The following EIF2B3 variants were observed in gnomAD, a reference collection of about 807,000 sequenced individuals.
EIF2B3 encodes the protein translation initiation factor eIF2B subunit gamma.
EIF2B3 carries 20 observed loss-of-function variants against 54.1 expected under a neutral mutation model. The observed-to-expected ratio is 0.37, with a 90% CI of 0.26 to 0.54. The LOEUF (loss-of-function observed/expected upper bound fraction) is 0.54. EIF2B3 is among the 20% of genes least tolerant of loss of function. EIF2B3 has a pLI of 0.86. For synonymous variants in EIF2B3, 153 were observed against 188.1 expected (o/e 0.81, Z 1.52); for missense variants, 448 against 547.8 (o/e 0.82, Z 1.82).
At chr1:44,919,410 TGCACA>T (rs370559310) in intron 5 of EIF2B3, among the ~76,000 whole-genome samples, 2,027 of 152,162 alleles carry the variant, frequency 0.013, 18 homozygotes, top group Non-Finnish European at 0.022. Context: ...TTTTTTCACC[TGCACA>T]TTTTTGTGGT....
chr1:44,968,395 C>T (rs1027684178), intron 3 of EIF2B3, among the ~76,000 whole-genome samples: 4 of 146,922 alleles, frequency 2.7e-5, no homozygotes, highest in Non-Finnish European at 6.0e-5. Flanking sequence ...AAGACTGAAA[C>T]TTCACATGAA....
intron 3 of EIF2B3, among the ~76,000 whole-genome samples, chr1:44,943,165 TATTTTA>T (rs986249786): frequency 2.0e-5 from 3 of 150,572 alleles, no homozygotes; most frequent in African/African-American, 7.3e-5. Context: ...CCTTATTTTT[TATTTTA>T]ATTTTATTTT....
At chr1:44,902,157 C>G (rs1255789913) in intron 5 of EIF2B3, among the ~76,000 whole-genome samples, 1 of 152,212 alleles carries the variant, frequency 6.6e-6, no homozygotes, top group Non-Finnish European at 1.5e-5. Context: ...TTCCACAGAT[C>G]TGTCTGTCTG....
chr1:44,929,215 A>G (rs1308027799), intron 4 of EIF2B3, among the ~76,000 whole-genome samples: 1 of 152,232 alleles, frequency 6.6e-6, no homozygotes, highest in Non-Finnish European at 1.5e-5. Context: ...GGAGAAACAG[A>G]AAGTTTAGCT....
intron 4 of EIF2B3, 47 bp from the exon 5 acceptor site, chr1:44,926,786 T>C (rs1263782964): frequency 6.7e-7 from 1 of 1,492,392 alleles, no homozygotes; most frequent in Admixed American, 1.7e-5. Context: ...CCATTTGCCC[T>C]GCCTGTATGA....
intron 3 of EIF2B3, 62 bp from the exon 4 acceptor site, chr1:44,941,727 C>A (rs917995621): frequency 2.0e-5 from 32 of 1,595,926 alleles, no homozygotes; most frequent in Non-Finnish European, 2.1e-5. Flanking sequence ...CAAATCATCA[C>A]AAGACAAAAT....
chr1:44,896,375 G>A lies in EIF2B3; in HGVS notation c.656+980C>T, dbSNP rs554583385. 7.7e-3 allele frequency among the ~76,000 whole-genome samples: 1,019 copies of A among 132,328 alleles called. 13 individuals carry two copies. The highest frequency in any genetic ancestry group is 0.042 in the African/African-American group (968 of 22,834). The allele number at this position is 132,328 out of a possible 152,430, so 86.8% of individuals were successfully genotyped here. On this transcript the variant is annotated intron_variant, in intron 6 of 11. Transcript: ENST00000360403. ...CCACAGGAACTTAGCAAGTGTTGTG[G>A]GGGGGTGACAGGTAGGACACTGCAA...
chr1:44,923,641 T>C (rs1474978264), intron 5 of EIF2B3, among the ~76,000 whole-genome samples: 4 of 114,778 alleles, frequency 3.5e-5, no homozygotes, highest in African/African-American at 1.6e-4. Context: ...ATTTCACTGA[T>C]GTTTTCTTCT....
At chr1:44,857,835 G>T (rs1051418199) in intron 10 of EIF2B3, 28 bp from the exon 11 acceptor site, 4 of 1,606,046 alleles carry the variant, frequency 2.5e-6, no homozygotes, top group African/African-American at 1.3e-5. Flanking sequence ...AGTTAGGGAG[G>T]ACCCAAGGCT....
chr1:44,856,919 C>T (rs534708655), intron 11 of EIF2B3, among the ~76,000 whole-genome samples: 2 of 152,288 alleles, frequency 1.3e-5, no homozygotes, highest in Admixed American at 1.3e-4. Flanking sequence ...ATCCTCCTGC[C>T]TCAGCCTCTT....
At chr1:44,884,171 T>C (rs568635859) in intron 6 of EIF2B3, among the ~76,000 whole-genome samples, 1 of 152,234 alleles carries the variant, frequency 6.6e-6, no homozygotes, top group African/African-American at 2.4e-5. Context: ...GAAAGTGACA[T>C]GAACAGTTTT....
At chr1:44,952,758 T>C (rs990141702) in intron 3 of EIF2B3, among the ~76,000 whole-genome samples, 1 of 151,642 alleles carries the variant, frequency 6.6e-6, no homozygotes, top group Non-Finnish European at 1.5e-5. Flanking sequence ...TTCACTGTGT[T>C]AGCCAGGATG....
At chr1:44,914,033 G>A (rs1436208377) in intron 5 of EIF2B3, among the ~76,000 whole-genome samples, 2 of 149,622 alleles carry the variant, frequency 1.3e-5, no homozygotes, top group African/African-American at 4.9e-5. Flanking sequence ...GTCTCAGGAT[G>A]TTGCCCAGGC....
chr1:44,941,509 C>CTT lies in EIF2B3; in HGVS notation c.449_450dup (p.Ala151LysfsTer58). On this transcript the variant is annotated frameshift_variant, in exon 4 of 12. Transcript: ENST00000360403. LOFTEE classifies it high-confidence loss of function. ...AACAAACTCCAATCTTCCTTACCTGCTTTTTTTTTCCCCTTTTGACCGGGA... is the reference window on the plus strand; with the variant it reads ...AACAAACTCCAATCTTCCTTACCTGCTTTTTTTTTTTCCCCTTTTGACCGGGA... The CTT allele has an allele frequency of 6.3e-7, 1 of 1,592,200 alleles. No individual in the cohort carries two copies. Among genetic ancestry groups the CTT allele is most frequent in the Non-Finnish European group, 8.6e-7 (1 of 1,168,382 alleles).
intron 5 of EIF2B3, among the ~76,000 whole-genome samples, chr1:44,904,125 T>C (rs1200751087): frequency 6.6e-6 from 1 of 152,146 alleles, no homozygotes; most frequent in Non-Finnish European, 1.5e-5. Flanking sequence ...GAGTGTGTCC[T>C]GCCAGCTTAT....
At chr1:44,956,976 A>C (rs1481682800) in intron 3 of EIF2B3, among the ~76,000 whole-genome samples, 2 of 152,214 alleles carry the variant, frequency 1.3e-5, no homozygotes, top group African/African-American at 4.8e-5. Context: ...TAAATATAAA[A>C]ACAAGGCTGG....
intron 2 of EIF2B3, among the ~76,000 whole-genome samples, 157 bp from the exon 3 acceptor site, chr1:44,978,617 A>C (rs1644478638): frequency 8.0e-6 from 1 of 125,302 alleles, no homozygotes; most frequent in African/African-American, 3.3e-5. Context: ...TCCCCCAATA[A>C]ATTCTTTTTT....
At chr1:44,957,698 C>T (rs1353943156) in intron 3 of EIF2B3, among the ~76,000 whole-genome samples, 1 of 152,062 alleles carries the variant, frequency 6.6e-6, no homozygotes, top group Non-Finnish European at 1.5e-5. Context: ...GAGGTGAAGG[C>T]TGCAGTGAGC....
In EIF2B3 at chr1:44,874,822, C is replaced by A. The variant is rs149557497; in HGVS notation, c.1058G>T (p.Gly353Val). 1 of 1,614,100 alleles carries A rather than the reference C, an allele frequency of 6.2e-7. No individual in the cohort carries two copies. Among genetic ancestry groups the A allele is most frequent in the Non-Finnish European group, 8.5e-7 (1 of 1,180,034 alleles). The change falls in exon 10 of 12, where the codon GGA becomes GTA. Residue 353 changes from glycine to valine, a missense_variant. Gly to Val is a moderately radical substitution (Grantham distance 109). Transcript: ENST00000360403. Reference protein sequence around the residue: ...SAQIVSKHLVGVDSLIGPETQ... With the variant: ...SAQIVSKHLVVVDSLIGPETQ... ...CTCTGGCCCAATGAGGCTGTCAACT[C>A]CAACCTGTAAAAGGCAAAATATAAA...
Sources: gnomAD v4.1 joint callset for allele counts (sites outside exome capture counted in the v4.1 genomes callset) on GRCh38, gnomAD v4.1.1 for gene constraint, MANE v1.5 for transcripts, NCBI Gene and HGNC (gene_info 2026-07-23, HGNC 2026-07-21) for gene names.